Variants in ELL2 observed in about 807,000 individuals in gnomAD.
ELL2 encodes RNA polymerase II elongation factor ELL2.
A neutral mutation model predicts 72.8 loss-of-function variants in ELL2; 21 were observed. The observed-to-expected ratio is 0.29, with a 90% CI of 0.20 to 0.42. The LOEUF is 0.42. Ranked by LOEUF, ELL2 falls within the 10% of genes least tolerant of loss-of-function variation. The probability of loss-of-function intolerance (pLI) is 1.00; values close to 1 mark genes in which losing one functional copy is unlikely to be tolerated. For synonymous variants in ELL2, 266 were observed against 283.2 expected, an observed-to-expected ratio of 0.94 and a Z score of 0.61; for missense variants, 568 against 772.8, an observed-to-expected ratio of 0.73 and a Z score of 3.14.
At chr5:95,933,864 T>C (rs1198279412) in intron 2 of ELL2, among the ~76,000 whole-genome samples, 1 of 152,118 alleles carries the variant, frequency 6.6e-6, no homozygotes, top group African/African-American at 2.4e-5. Context: ...CCTGGACTCA[T>C]TATTCTATTC....
chr5:95,889,832 C>T (rs1748592692), intron 10 of ELL2, among the ~76,000 whole-genome samples: 1 of 148,164 alleles, frequency 6.7e-6, no homozygotes. Context: ...CACATAAACA[C>T]ACTTCGAAAG....
chr5:95,889,979 T>C (rs1443765491), intron 10 of ELL2, among the ~76,000 whole-genome samples: 1 of 152,298 alleles, frequency 6.6e-6, no homozygotes, highest in East Asian at 1.9e-4. Context: ...TGCTTACTTA[T>C]GTTTATTCCT....
chr5:95,917,571 G>C (rs566550454), intron 3 of ELL2, among the ~76,000 whole-genome samples: 5 of 152,180 alleles, frequency 3.3e-5, no homozygotes, highest in Non-Finnish European at 7.4e-5. Context: ...TGAAGTGAAA[G>C]CCTGAGAACA....
At chr5:95,908,126 TAAC>T (rs886535305) in intron 4 of ELL2, among the ~76,000 whole-genome samples, 10 of 152,216 alleles carry the variant, frequency 6.6e-5, no homozygotes, top group Non-Finnish European at 1.0e-4. Flanking sequence ...TGCCTAATGA[TAAC>T]AAAAACTTAA....
intron 1 of ELL2, among the ~76,000 whole-genome samples, chr5:95,957,612 C>G (rs3777163): frequency 0.32 from 48,504 of 152,000 alleles, 9,100 homozygotes; most frequent in African/African-American, 0.53. Context: ...ACAACTTTTA[C>G]AAGATATTTA....
At chr5:95,901,261 G>T (rs1453915052) in intron 5 of ELL2, 181 bp from the exon 6 acceptor site, 2 of 522,214 alleles carry the variant, frequency 3.8e-6, no homozygotes, top group Non-Finnish European at 6.3e-6. Flanking sequence ...GGGAATTAAA[G>T]CTTTATATAC....
At chr5:95,919,733 A>G (rs1366629724) in intron 2 of ELL2, among the ~76,000 whole-genome samples, 188 bp from the exon 3 acceptor site, 1 of 152,240 alleles carries the variant, frequency 6.6e-6, no homozygotes, top group Non-Finnish European at 1.5e-5. Flanking sequence ...ATAACTTACC[A>G]GATTCTTATT....
chr5:95,943,683 C>G (rs1262026365), intron 1 of ELL2, among the ~76,000 whole-genome samples: 4 of 152,100 alleles, frequency 2.6e-5, no homozygotes, highest in Non-Finnish European at 5.9e-5. Context: ...CACATTTTAT[C>G]AGAGATTTGT....
At chr5:95,941,971 G>C (rs1750986349) in intron 2 of ELL2, among the ~76,000 whole-genome samples, 1 of 152,186 alleles carries the variant, frequency 6.6e-6, no homozygotes, top group South Asian at 2.1e-4. Context: ...GAGGAAAACA[G>C]GACTTAATTG....
chr5:95,961,395 C>T (rs1316052495), intron 1 of ELL2, among the ~76,000 whole-genome samples, 180 bp downstream of exon 1: 1 of 151,786 alleles, frequency 6.6e-6, no homozygotes, highest in African/African-American at 2.4e-5. Context: ...CCCCAACGCC[C>T]AGGCTAGCCC....
intron 5 of ELL2, among the ~76,000 whole-genome samples, chr5:95,905,281 A>T (rs1035943818): frequency 2.6e-5 from 4 of 152,086 alleles, no homozygotes; most frequent in African/African-American, 7.2e-5. Context: ...TTAGATATCT[A>T]TATGTATATA....
chr5:95,947,803 A>G (rs529416143), intron 1 of ELL2, among the ~76,000 whole-genome samples: 9 of 152,340 alleles, frequency 5.9e-5, no homozygotes, highest in Middle Eastern at 6.8e-3. Flanking sequence ...TGAATTTCAT[A>G]AAGTAATTAT....
chr5:95,886,145 T>G lies in ELL2; in HGVS notation c.*2726A>C, dbSNP rs191147341. ...AGAAAAGAAAAAAAACTAGATAAAT[T>G]CTTCCACCGGAGTAACTGACATTAA... On this transcript the variant is annotated 3_prime_UTR_variant, in exon 12 of 12. Coordinates refer to ENST00000237853, the MANE Select transcript of ELL2 (RefSeq NM_012081.6). 46 of 152,262 alleles carry G rather than the reference T, an allele frequency of 3.0e-4. No individual in the cohort carries two copies. Among genetic ancestry groups the G allele is most frequent in the African/African-American group, 1.1e-3 (45 of 41,558 alleles). The allele number at this position is 152,262 out of a possible 1,614,324, so 9.4% of individuals were successfully genotyped here.
chr5:95,892,427 G>C (rs761343371), intron 9 of ELL2, among the ~76,000 whole-genome samples: 6 of 152,206 alleles, frequency 3.9e-5, no homozygotes, highest in Non-Finnish European at 8.8e-5. Flanking sequence ...GATTATAGGC[G>C]TGAGCCACTG....
intron 7 of ELL2, 66 bp downstream of exon 7, chr5:95,900,627 T>C: frequency 1.7e-6 from 2 of 1,191,294 alleles, no homozygotes; most frequent in Admixed American, 2.7e-5. Flanking sequence ...CACTTATACA[T>C]CAGAGGACCT....
At chr5:95,951,458 T>C (rs1175783904) in intron 1 of ELL2, among the ~76,000 whole-genome samples, 3 of 152,132 alleles carry the variant, frequency 2.0e-5, no homozygotes, top group Admixed American at 2.0e-4. Flanking sequence ...CCAGATTTAA[T>C]GTGGGCCTTA....
chr5:95,900,833 G>A, intron 6 of ELL2, 53 bp from the exon 7 acceptor site: 3 of 1,565,082 alleles, frequency 1.9e-6, no homozygotes, highest in Non-Finnish European at 2.6e-6. Flanking sequence ...AAATGTTCAT[G>A]ATAGAAAGCT....
chr5:95,958,698 A>G (rs1191994185), intron 1 of ELL2, among the ~76,000 whole-genome samples: 1 of 152,120 alleles, frequency 6.6e-6, no homozygotes, highest in Non-Finnish European at 1.5e-5. Flanking sequence ...TTTGCAGGAG[A>G]AAAGGAATCC....
At chr5:95,900,933 A>T in intron 6 of ELL2, 23 bp downstream of exon 6, 1 of 1,577,178 alleles carries the variant, frequency 6.3e-7, no homozygotes, top group Non-Finnish European at 8.5e-7. Flanking sequence ...CATTTTTTTA[A>T]AAGCAAGAAA....
Sources: gnomAD v4.1 joint callset for allele counts (sites outside exome capture counted in the v4.1 genomes callset) on GRCh38, gnomAD v4.1.1 for gene constraint, MANE v1.5 for transcripts, NCBI Gene and HGNC (gene_info 2026-07-23, HGNC 2026-07-21) for gene names.